The following SAXO1 variants were observed in gnomAD, a reference collection of about 807,000 sequenced individuals.
The protein encoded by SAXO1 is 4930500O09Rik.
Under a neutral mutation model 17.5 loss-of-function variants are expected in SAXO1, and 21 were observed. That is an observed-to-expected ratio of 1.20 (90% confidence interval 0.85 to 1.72). SAXO1 has a LOEUF of 1.72. SAXO1 is among the 40% of genes most tolerant of loss of function. The pLI, the probability that SAXO1 is intolerant of heterozygous loss-of-function variation, is 0.00. For missense variants in SAXO1, 843 were observed against 596.0 expected, an observed-to-expected ratio of 1.41 and a Z score of -4.32; for synonymous variants, 274 against 216.5, an observed-to-expected ratio of 1.27 and a Z score of -2.33.
At chr9:19,006,220 C>G (rs187302437) in intron 1 of SAXO1, among the ~76,000 whole-genome samples, 1 of 152,172 alleles carries the variant, frequency 6.6e-6, no homozygotes, top group East Asian at 1.9e-4. Context: ...GATGGTTTCT[C>G]AAAAAGTTAA....
chr9:19,022,563 G>A (rs10963911), intron 1 of SAXO1, among the ~76,000 whole-genome samples: 69,252 of 152,030 alleles, frequency 0.46, 17,320 homozygotes, highest in Non-Finnish European at 0.56. Context: ...CATCATACTT[G>A]AAAGAGAAAT....
chr9:19,006,493 T>C (rs1299109047), intron 1 of SAXO1, among the ~76,000 whole-genome samples: 2 of 152,222 alleles, frequency 1.3e-5, no homozygotes, highest in African/African-American at 4.8e-5. Flanking sequence ...AGAGACAAAT[T>C]GCTAAGTGAA....
intron 1 of SAXO1, among the ~76,000 whole-genome samples, chr9:18,967,362 A>C (rs527507026): frequency 6.6e-6 from 1 of 151,966 alleles, no homozygotes; most frequent in South Asian, 2.1e-4. Context: ...CCCTTCCCCC[A>C]GGTGCTCTGT....
At chr9:19,042,721 G>T (rs1018307674) in intron 1 of SAXO1, among the ~76,000 whole-genome samples, 5 of 152,180 alleles carry the variant, frequency 3.3e-5, no homozygotes, top group African/African-American at 9.7e-5. Context: ...AATTAGCCAG[G>T]CATGGTGGTG....
chr9:18,995,108 A>C (rs1176559699), intron 1 of SAXO1, among the ~76,000 whole-genome samples: 3 of 152,196 alleles, frequency 2.0e-5, no homozygotes, highest in Non-Finnish European at 4.4e-5. Flanking sequence ...AGCACCAAAA[A>C]TAAATTAACT....
chr9:18,930,628 T>C (rs145184906), intron 3 of SAXO1, among the ~76,000 whole-genome samples: 1 of 152,308 alleles, frequency 6.6e-6, no homozygotes, highest in East Asian at 1.9e-4. Flanking sequence ...GCCTCCCTAG[T>C]AGCTGGGATT....
chr9:19,011,848 GAT>G (rs1834744462), intron 1 of SAXO1, among the ~76,000 whole-genome samples: 1 of 143,522 alleles, frequency 7.0e-6, no homozygotes, highest in Non-Finnish European at 1.5e-5. Context: ...ATTAAGCATA[GAT>G]TTTTTTTTTT....
chr9:18,980,457 G>C (rs1179011056), intron 1 of SAXO1, among the ~76,000 whole-genome samples: 1 of 146,964 alleles, frequency 6.8e-6, no homozygotes, highest in East Asian at 2.1e-4. Context: ...ACTGGCATGT[G>C]ACTTCCTTCC....
intron 1 of SAXO1, among the ~76,000 whole-genome samples, chr9:19,002,172 C>A (rs565782345): frequency 2.0e-5 from 3 of 152,130 alleles, no homozygotes; most frequent in Non-Finnish European, 4.4e-5. Context: ...CCTGGACACA[C>A]ATACCCTCCC....
chr9:18,966,585 T>A (rs1214525433), intron 1 of SAXO1, among the ~76,000 whole-genome samples: 1 of 152,226 alleles, frequency 6.6e-6, no homozygotes, highest in African/African-American at 2.4e-5. Context: ...GTTCTACACC[T>A]CCATCAAGTC....
intron 1 of SAXO1, among the ~76,000 whole-genome samples, chr9:18,960,247 T>C (rs912812205): frequency 2.0e-5 from 3 of 152,180 alleles, no homozygotes; most frequent in Non-Finnish European, 4.4e-5. Context: ...ATTTTGCCAA[T>C]GGCCTCATCA....
intron 1 of SAXO1, among the ~76,000 whole-genome samples, chr9:18,960,507 C>T (rs1467392624): frequency 6.6e-6 from 1 of 152,092 alleles, no homozygotes; most frequent in Non-Finnish European, 1.5e-5. Context: ...GTTACTCTTC[C>T]CCACACATGC....
chr9:18,996,711 T>A (rs1439418400), intron 1 of SAXO1, among the ~76,000 whole-genome samples: 1 of 152,176 alleles, frequency 6.6e-6, no homozygotes, highest in Non-Finnish European at 1.5e-5. Flanking sequence ...AGGCCACGGA[T>A]GAAAAACTCA....
chr9:18,947,605 T>C (rs1831852169), intron 2 of SAXO1: 1 of 152,238 alleles, frequency 6.6e-6, no homozygotes, highest in African/African-American at 2.4e-5. Context: ...GCTAACAGAA[T>C]GTCTCAAATT....
At chr9:18,987,027 G>C (rs1242569170) in intron 1 of SAXO1, among the ~76,000 whole-genome samples, 1 of 152,122 alleles carries the variant, frequency 6.6e-6, no homozygotes, top group Non-Finnish European at 1.5e-5. Flanking sequence ...TGATTCCTTG[G>C]AACAAATTGC....
At position 18,928,174 on chromosome 9, in the gene SAXO1, C is replaced by T. The variant is rs1043883763; in HGVS notation, c.1303G>A (p.Val435Met). ...PEPPGYTFEE[V>M]DALGHRIYKP... ...TATATCCTGTGACCCAAAGCATCCACTTCCTCAAAGGTGTAGCCAGGAGGC... is the reference window on the plus strand; with the variant it reads ...TATATCCTGTGACCCAAAGCATCCATTTCCTCAAAGGTGTAGCCAGGAGGC... The change falls in exon 4 of 4, where the codon GTG (valine) becomes ATG (methionine). Residue 435 changes from valine (V) to methionine (M), a missense_variant. Physicochemically the swap from Val to Met is conservative, Grantham distance 21. Coordinates refer to ENST00000380534, the MANE Select transcript of SAXO1 (RefSeq NM_153707.4). The T allele has an allele frequency of 6.8e-6, 11 of 1,614,114 alleles. No homozygotes were observed. The highest frequency in any genetic ancestry group is 9.3e-6 in the Non-Finnish European group (11 of 1,180,054).
intron 3 of SAXO1, among the ~76,000 whole-genome samples, chr9:18,937,394 G>T (rs1437128303): frequency 2.0e-5 from 3 of 152,162 alleles, no homozygotes; most frequent in Non-Finnish European, 4.4e-5. Context: ...GACACACTTT[G>T]TTGTGTCATT....
In SAXO1 at chr9:18,970,527, G is replaced by A. The variant is rs139712709; in HGVS notation, c.39-19590C>T. Among the ~76,000 whole-genome samples, 708 of 152,296 alleles carry A rather than the reference G, an allele frequency of 4.6e-3. 1 individual carries two copies. The highest frequency in any genetic ancestry group is 7.6e-3 in the Non-Finnish European group (517 of 68,022). On this transcript the variant is annotated intron_variant, in intron 1 of 3. Transcript: ENST00000380534. ...GCAAAGAACTGGAAGTTCTGGATGA[G>A]TCTATAAATAAACACTGGCCCTAGG...
At chr9:18,977,247 T>G (rs74628218) in intron 1 of SAXO1, among the ~76,000 whole-genome samples, 2 of 152,226 alleles carry the variant, frequency 1.3e-5, no homozygotes, top group Non-Finnish European at 2.9e-5. Context: ...CTGTGGTTCA[T>G]AGTTTCTTCT....
Sources: gnomAD v4.1 joint callset for allele counts (sites outside exome capture counted in the v4.1 genomes callset) on GRCh38, gnomAD v4.1.1 for gene constraint, MANE v1.5 for transcripts, NCBI Gene and HGNC (gene_info 2026-07-23, HGNC 2026-07-21) for gene names.